JAKMIP2: variants seen among roughly 807,000 people sequenced by gnomAD.
JAKMIP2 encodes the protein janus kinase and microtubule-interacting protein 2.
A neutral mutation model predicts 115.0 loss-of-function variants in JAKMIP2; 25 were observed. The ratio of observed to expected loss-of-function variants is 0.22; its 90% CI spans 0.16 to 0.30. The LOEUF is 0.30. Ranked by LOEUF, JAKMIP2 falls within the 10% of genes least tolerant of loss-of-function variation. The pLI is 1.00. For missense variants in JAKMIP2, 642 were observed against 957.6 expected (o/e 0.67, Z 4.35); for synonymous variants, 334 against 343.6 (o/e 0.97, Z 0.31).
intron 16 of JAKMIP2, among the ~76,000 whole-genome samples, chr5:147,625,165 G>C (rs1757037916): frequency 6.6e-6 from 1 of 152,058 alleles, no homozygotes. Context: ...ATTTTTAGTA[G>C]AGACGGGGTT....
rs77987537 is a variant in JAKMIP2 at position 147,631,347 on chromosome 5, C to A, written c.1875+66G>T. 0.013 allele frequency: 12,480 copies of A among 935,284 alleles called. 659 individuals carry two copies. The East Asian group carries it at 0.14, about 10-fold the overall frequency. The allele number at this position is 935,284 out of a possible 1,614,324, so 57.9% of individuals were successfully genotyped here. A position where few individuals can be genotyped will look rare whatever the true frequency, so the allele number is the denominator to read the frequency against. On this transcript the variant is annotated intron_variant, in intron 14 of 21. Transcript: ENST00000616793. Reference sequence around the variant, plus strand: ...TGAAAGACAAAATAGTCGTAAGTAACCTCCCCTTTTCCAATTCCCAGTTTT... The same window carrying A: ...TGAAAGACAAAATAGTCGTAAGTAAACTCCCCTTTTCCAATTCCCAGTTTT...
chr5:147,781,959 A>T (rs1755775122), intron 1 of JAKMIP2, among the ~76,000 whole-genome samples: 1 of 152,200 alleles, frequency 6.6e-6, no homozygotes, highest in Non-Finnish European at 1.5e-5. Flanking sequence ...AGTATATTAG[A>T]ATATAAAATA....
chr5:147,765,673 C>T (rs566482414), intron 1 of JAKMIP2, among the ~76,000 whole-genome samples: 4 of 152,198 alleles, frequency 2.6e-5, no homozygotes, highest in African/African-American at 9.6e-5. Context: ...TCCCTTTTCA[C>T]ATTAACCAAG....
chr5:147,701,631 C>A (rs1752329002), intron 1 of JAKMIP2, among the ~76,000 whole-genome samples: 1 of 152,166 alleles, frequency 6.6e-6, no homozygotes, highest in South Asian at 2.1e-4. Flanking sequence ...TGACTTGTGG[C>A]TCCATGCCAG....
intron 1 of JAKMIP2, among the ~76,000 whole-genome samples, chr5:147,703,569 A>C (rs947586288): frequency 2.0e-5 from 3 of 151,536 alleles, no homozygotes; most frequent in Non-Finnish European, 4.4e-5. Flanking sequence ...CTTCAATAAG[A>C]AGTTAACCTT....
intron 21 of JAKMIP2, among the ~76,000 whole-genome samples, chr5:147,600,121 A>G (rs10875623): frequency 8.9e-4 from 104 of 116,212 alleles, no homozygotes; most frequent in South Asian, 1.8e-3. Flanking sequence ...TGGTGGGGGG[A>G]GGCTGTTTGT....
At chr5:147,769,797 T>C (rs1449260330) in intron 1 of JAKMIP2, among the ~76,000 whole-genome samples, 2 of 151,970 alleles carry the variant, frequency 1.3e-5, no homozygotes, top group African/African-American at 4.8e-5. Flanking sequence ...AGAAACACTG[T>C]GTTTGTCTCT....
chr5:147,742,108 T>C lies in JAKMIP2; in HGVS notation c.-149+40348A>G, dbSNP rs1467583007. Among the ~76,000 whole-genome samples, 2 of 148,264 alleles carry C rather than the reference T, an allele frequency of 1.3e-5. 1 individual carries two copies. The highest frequency in any genetic ancestry group is 3.0e-5 in the Non-Finnish European group (2 of 67,446). On this transcript the variant is annotated intron_variant, in intron 1 of 21. Transcript: ENST00000616793. ...TGATATTGCTTTATCTGTGACCTTC[T>C]TTCTTTGTTCCGCATTAGCCCTGTG...
chr5:147,684,099 T>C (rs1222530936), intron 1 of JAKMIP2, among the ~76,000 whole-genome samples: 1 of 152,140 alleles, frequency 6.6e-6, no homozygotes, highest in African/African-American at 2.4e-5. Flanking sequence ...GATGGGATCT[T>C]AAAAGCAAGA....
intron 1 of JAKMIP2, among the ~76,000 whole-genome samples, chr5:147,720,257 C>A (rs1453814800): frequency 6.6e-6 from 1 of 152,000 alleles, no homozygotes; most frequent in Non-Finnish European, 1.5e-5. Flanking sequence ...GGTAACCCGA[C>A]CTTTCTCTCT....
At chr5:147,770,807 T>C (rs898593497) in intron 1 of JAKMIP2, among the ~76,000 whole-genome samples, 1 of 152,140 alleles carries the variant, frequency 6.6e-6, no homozygotes, top group Non-Finnish European at 1.5e-5. Flanking sequence ...TAGATAATTT[T>C]CTTTTTAAAA....
chr5:147,696,484 T>G (rs1219323819), intron 1 of JAKMIP2, among the ~76,000 whole-genome samples: 2 of 152,234 alleles, frequency 1.3e-5, no homozygotes, highest in Non-Finnish European at 2.9e-5. Flanking sequence ...TCCTCAGTCA[T>G]GCAGAACTGT....
chr5:147,631,984 C>A (rs12657616), intron 13 of JAKMIP2, among the ~76,000 whole-genome samples: 9,764 of 152,204 alleles, frequency 0.064, 876 homozygotes, highest in African/African-American at 0.2. Flanking sequence ...TAAAGAAGAA[C>A]TAACTGGCAA....
chr5:147,654,152 C>T (rs1437056705), intron 3 of JAKMIP2, among the ~76,000 whole-genome samples: 1 of 151,736 alleles, frequency 6.6e-6, no homozygotes, highest in Non-Finnish European at 1.5e-5. Context: ...TGTGATGCCT[C>T]CAGCTCTGCT....
rs1332339611 is a variant in JAKMIP2 at position 147,644,031 on chromosome 5, A to C, written c.1224+27T>G. The C allele has an allele frequency of 2.0e-6, 3 of 1,510,326 alleles. No homozygotes were observed. The South Asian group carries it at 4.2e-5, about 21-fold the overall frequency. 93.6% of individuals were successfully genotyped at this position (1,510,326 alleles called of 1,614,324 possible). ...GGCTACTTGTCCTTGGGAACAACTT[A>C]GGGTTTACAGATTGATTGACACGTA... On this transcript the variant is annotated intron_variant, in intron 7 of 21. Coordinates refer to ENST00000616793, the MANE Select transcript of JAKMIP2 (RefSeq NM_001270941.2).
intron 20 of JAKMIP2, among the ~76,000 whole-genome samples, chr5:147,607,534 G>A (rs546871007): frequency 9.2e-5 from 14 of 152,288 alleles, no homozygotes; most frequent in South Asian, 2.1e-4. Flanking sequence ...CAATGCGATC[G>A]TGGTGGATAA....
intron 6 of JAKMIP2, 74 bp from the exon 7 acceptor site, chr5:147,644,272 TG>T: frequency 7.2e-7 from 1 of 1,382,472 alleles, no homozygotes; most frequent in Non-Finnish European, 9.7e-7. Context: ...ATAAAATATC[TG>T]TAGAAAGTTT....
chr5:147,766,124 C>A lies in JAKMIP2; in HGVS notation c.-149+16332G>T, dbSNP rs78821839. Reference sequence around the variant, plus strand: ...TACTCCTTAGGGTTGTGTTTCCCCCCATCTTTTCTCCTTCTCCCTCTCGGC... The same window carrying A: ...TACTCCTTAGGGTTGTGTTTCCCCCAATCTTTTCTCCTTCTCCCTCTCGGC... On this transcript the variant is annotated intron_variant, in intron 1 of 21. Coordinates refer to ENST00000616793, the MANE Select transcript of JAKMIP2 (RefSeq NM_001270941.2). 4.1e-3 allele frequency among the ~76,000 whole-genome samples: 623 copies of A among 152,250 alleles called. 11 individuals carry two copies. Among genetic ancestry groups the A allele is most frequent in the African/African-American group, 0.014 (591 of 41,560 alleles).
At chr5:147,650,589 G>T in intron 3 of JAKMIP2, 42 bp from the exon 4 acceptor site, 1 of 1,435,532 alleles carries the variant, frequency 7.0e-7, no homozygotes, top group South Asian at 1.2e-5. Flanking sequence ...TAACAATGCT[G>T]TAAAGAAATA....
Sources: allele counts gnomAD v4.1 joint callset (sites outside exome capture counted in the v4.1 genomes callset), GRCh38; gene constraint gnomAD v4.1.1; transcripts MANE v1.5; gene names NCBI Gene and HGNC (gene_info 2026-07-23, HGNC 2026-07-21).